SUSD6: variants seen among roughly 807,000 people sequenced by gnomAD.
The protein encoded by SUSD6 is sushi domain-containing protein 6.
SUSD6 carries 16 observed loss-of-function variants against 28.4 expected under a neutral mutation model. That is an observed-to-expected ratio of 0.56 (90% CI 0.38 to 0.86). The LOEUF (loss-of-function observed/expected upper bound fraction) is 0.86. SUSD6 is among the 40% of genes least tolerant of loss of function. The pLI is 0.00. For missense variants in SUSD6, 341 were observed against 384.2 expected, an observed-to-expected ratio of 0.89 and a Z score of 0.94; for synonymous variants, 147 against 159.6, an observed-to-expected ratio of 0.92 and a Z score of 0.59.
chr14:69,697,891 T>G (rs966345106), intron 2 of SUSD6, among the ~76,000 whole-genome samples: 1 of 152,238 alleles, frequency 6.6e-6, no homozygotes, highest in African/African-American at 2.4e-5. Flanking sequence ...ATGTCTGTCT[T>G]CTCTAGGTTG....
intron 2 of SUSD6, among the ~76,000 whole-genome samples, chr14:69,665,608 C>T (rs2139619430): frequency 6.6e-6 from 1 of 152,288 alleles, no homozygotes; most frequent in African/African-American, 2.4e-5. Context: ...ATAGCTGTCT[C>T]TTATGAGGTG....
chr14:69,688,505 C>A (rs934904780), intron 2 of SUSD6, among the ~76,000 whole-genome samples: 1 of 152,172 alleles, frequency 6.6e-6, no homozygotes, highest in Non-Finnish European at 1.5e-5. Context: ...TGGATCCAGT[C>A]CTCCAGGGAT....
chr14:69,711,396 T>TC lies in SUSD6; in HGVS notation c.*417_*418insC. ...CAGTTTCCCTGTCATGCAGACTTGT[T>TC]GCTGTCCACAAGCCTTAGTGGCTGC... On this transcript the variant is annotated 3_prime_UTR_variant, in exon 6 of 6. Coordinates refer to ENST00000342745, the MANE Select transcript of SUSD6 (RefSeq NM_014734.4). 4.8e-6 allele frequency: 1 copy of TC among 210,318 alleles called. No homozygotes were observed. The highest frequency in any genetic ancestry group is 5.4e-5 in the Admixed American group (1 of 18,354). 13.0% of individuals were successfully genotyped at this position (210,318 alleles called of 1,614,324 possible). A position where few individuals can be genotyped will look rare whatever the true frequency, so the allele number is the denominator to read the frequency against.
chr14:69,638,462 TTG>T (rs1284347222), intron 1 of SUSD6, among the ~76,000 whole-genome samples: 2 of 69,512 alleles, frequency 2.9e-5, no homozygotes, highest in Non-Finnish European at 6.5e-5. Context: ...GTGTGTGTAA[TTG>T]TGTGTGTGTG....
intron 2 of SUSD6, among the ~76,000 whole-genome samples, chr14:69,674,569 A>G (rs1322192098): frequency 6.6e-6 from 1 of 151,578 alleles, no homozygotes; most frequent in African/African-American, 2.4e-5. Flanking sequence ...AGAGCTCCCC[A>G]CTCTTCCTCC....
chr14:69,710,997 T>C lies in SUSD6; in HGVS notation c.*18T>C. ...AAGCATGAGGGCAGCGGCCAGCCTT[T>C]CCTCTCTGCGAGGTTCTCTCAGCCC... On this transcript the variant is annotated 3_prime_UTR_variant, in exon 6 of 6. Coordinates refer to ENST00000342745, the MANE Select transcript of SUSD6 (RefSeq NM_014734.4). 1 of 1,613,644 alleles carries C rather than the reference T, an allele frequency of 6.2e-7. No homozygotes were observed. The highest frequency in any genetic ancestry group is 8.5e-7 in the Non-Finnish European group (1 of 1,179,578).
rs529709218 is a variant in SUSD6 at position 69,674,172 on chromosome 14, G to A, written c.121+15459G>A. 6.6e-5 allele frequency among the ~76,000 whole-genome samples: 10 copies of A among 152,254 alleles called. No individual in the cohort carries two copies. In the South Asian group the frequency reaches 1.2e-3, roughly 19 times the overall value. ...CAGAGAGAATGACTGCATCACTGTC[G>A]TGCCTGCCTATCTTACCCCACTGCC... On this transcript the variant is annotated intron_variant, in intron 2 of 5. Coordinates refer to ENST00000342745, the MANE Select transcript of SUSD6 (RefSeq NM_014734.4).
chr14:69,682,060 G>C (rs1886004327), intron 2 of SUSD6, among the ~76,000 whole-genome samples: 1 of 152,106 alleles, frequency 6.6e-6, no homozygotes, highest in Non-Finnish European at 1.5e-5. Context: ...AGGCCTGGTG[G>C]GGTGGTTCAT....
intron 2 of SUSD6, 61 bp from the exon 3 acceptor site, chr14:69,703,334 G>A: frequency 7.4e-7 from 1 of 1,347,588 alleles, no homozygotes; most frequent in East Asian, 2.3e-5. Flanking sequence ...CTGCGTCACT[G>A]AGAGCAGACT....
intron 4 of SUSD6, among the ~76,000 whole-genome samples, chr14:69,707,559 C>T (rs1366915670): frequency 6.6e-6 from 1 of 152,004 alleles, no homozygotes; most frequent in East Asian, 1.9e-4. Context: ...AGTTCAAGAC[C>T]AGCCTGGGCA....
intron 1 of SUSD6, among the ~76,000 whole-genome samples, chr14:69,645,725 T>A (rs1885416225): frequency 6.6e-6 from 1 of 152,064 alleles, no homozygotes; most frequent in South Asian, 2.1e-4. Context: ...CCCCAAATAG[T>A]TTTGCCCTTA....
intron 1 of SUSD6, among the ~76,000 whole-genome samples, chr14:69,616,361 A>G (rs531471220): frequency 6.6e-6 from 1 of 152,224 alleles, no homozygotes; most frequent in Non-Finnish European, 1.5e-5. Flanking sequence ...ATTTAAGATT[A>G]GAGTGTGGAA....
chr14:69,618,971 C>T (rs778540240), intron 1 of SUSD6, among the ~76,000 whole-genome samples: 20 of 152,124 alleles, frequency 1.3e-4, no homozygotes, highest in Non-Finnish European at 2.4e-4. Context: ...CTTTGGGGTT[C>T]TTCTTATTCT....
intron 2 of SUSD6, among the ~76,000 whole-genome samples, chr14:69,697,043 T>A (rs1364371760): frequency 1.3e-5 from 2 of 152,242 alleles, no homozygotes; most frequent in Non-Finnish European, 2.9e-5. Context: ...TTCATTAGAT[T>A]TCCAGGAAAG....
chr14:69,693,995 C>G (rs1032024119), intron 2 of SUSD6, among the ~76,000 whole-genome samples: 1 of 152,218 alleles, frequency 6.6e-6, no homozygotes, highest in Non-Finnish European at 1.5e-5. Context: ...CAGTTGAAAA[C>G]AAGACAGTGT....
At chr14:69,704,837 C>G in intron 4 of SUSD6, 95 bp downstream of exon 4, 2 of 1,345,508 alleles carry the variant, frequency 1.5e-6, no homozygotes, top group South Asian at 2.7e-5. Flanking sequence ...GCCCCAATCT[C>G]TGTGGGTCTG....
intron 2 of SUSD6, among the ~76,000 whole-genome samples, chr14:69,691,212 G>A (rs1275679895): frequency 6.6e-6 from 1 of 152,140 alleles, no homozygotes; most frequent in Non-Finnish European, 1.5e-5. Flanking sequence ...ACTTGGTGGT[G>A]TGCACCTGTA....
Position 69,709,027 on chromosome 14 carries a change from C to T in SUSD6, c.809C>T (p.Ala270Val). 1 of 1,613,972 alleles carries T rather than the reference C, an allele frequency of 6.2e-7. No individual in the cohort carries two copies. Among genetic ancestry groups the T allele is most frequent in the Non-Finnish European group, 8.5e-7 (1 of 1,180,004 alleles). ...GCCGGCTCAGGGAACCGCCAACTGG[C>T]ACACAAAGAAACTGCAGATTCAGAG... ...WVAGSGNRQL[A>V]HKETADSENS... is the part of the protein sequence containing the mutation. Residue 270 changes from alanine (A) to valine (V), a missense_variant, in exon 5 of 6, where the codon GCA becomes GTA. Physicochemically the swap from Ala to Val is moderately conservative, Grantham distance 64. Transcript: ENST00000342745.
chr14:69,645,907 G>A (rs1383843808), intron 1 of SUSD6, among the ~76,000 whole-genome samples: 2 of 152,074 alleles, frequency 1.3e-5, no homozygotes, highest in East Asian at 3.8e-4. Flanking sequence ...GCACCACCAC[G>A]CCTGGATAAT....
Sources: allele counts gnomAD v4.1 joint callset (sites outside exome capture counted in the v4.1 genomes callset), GRCh38; gene constraint gnomAD v4.1.1; transcripts MANE v1.5; gene names NCBI Gene and HGNC (gene_info 2026-07-23, HGNC 2026-07-21).